Variants in PHF6 observed in about 807,000 individuals in gnomAD.
PHF6 encodes PHD finger protein 6, also known as PHD-like zinc finger protein.
PHF6 carries 7 observed loss-of-function variants against 34.0 expected under a neutral mutation model. The observed-to-expected ratio is 0.21, with a 90% CI of 0.12 to 0.39. The LOEUF (loss-of-function observed/expected upper bound fraction) is 0.39. Among genes scored for constraint, PHF6 ranks in the 10% least tolerant of loss-of-function variants. The pLI, the probability that PHF6 is intolerant of heterozygous loss-of-function variation, is 1.00. For synonymous variants in PHF6, 89 were observed against 88.4 expected (o/e 1.01, Z -0.04); for missense variants, 128 against 262.8 (o/e 0.49, Z 3.55).
intron 3 of PHF6, among the ~76,000 whole-genome samples, chrX:134,386,560 G>A (rs2077332398): frequency 9.0e-6 from 1 of 110,624 alleles, no homozygotes; most frequent in African/African-American, 3.3e-5. Context: ...ACAGGCACAC[G>A]CCACCACGCC....
intron 5 of PHF6, among the ~76,000 whole-genome samples, chrX:134,406,503 A>G (rs1422452316): frequency 9.0e-6 from 1 of 111,674 alleles, no homozygotes; most frequent in Non-Finnish European, 1.9e-5. Context: ...TGAGGAAAAC[A>G]TTGGTTACTA....
chrX:134,379,432 C>CTTT (rs34099570), intron 3 of PHF6, among the ~76,000 whole-genome samples: 11 of 26,272 alleles, frequency 4.2e-4, no homozygotes, highest in Non-Finnish European at 5.2e-4. Flanking sequence ...CTTTTCTTTT[C>CTTT]TTTTTTTTTT....
At chrX:134,425,403 G>C (rs868533513) in intron 10 of PHF6, 73 bp downstream of exon 10, 4 of 1,122,833 alleles carry the variant, frequency 3.6e-6, no homozygotes. Context: ...TGAAGTAATG[G>C]TATGCAGTAA....
At chrX:134,376,083 G>A (rs1043421040) in intron 1 of PHF6, among the ~76,000 whole-genome samples, 1 of 111,978 alleles carries the variant, frequency 8.9e-6, no homozygotes, top group Non-Finnish European at 1.9e-5. Flanking sequence ...CTTTGAAGTT[G>A]TGTTAAAAAG....
chrX:134,377,552 G>T lies in PHF6; in HGVS notation c.-46-20G>T. 3 of 1,060,781 alleles carry T rather than the reference G, an allele frequency of 2.8e-6. No homozygotes were observed. Among genetic ancestry groups the T allele is most frequent in the Non-Finnish European group, 3.8e-6 (3 of 784,426 alleles). 87.4% of individuals were successfully genotyped at this position (1,060,781 alleles called of 1,213,427 possible). On this transcript the variant is annotated intron_variant, in intron 1 of 10. Transcript: ENST00000370803. ...ATTTTAAAATAAAATTAACATTGTC[G>T]CCCTTCTTATTCTCTGTAGCATTTC...
chrX:134,402,223 T>C (rs901801463), intron 5 of PHF6, among the ~76,000 whole-genome samples: 4 of 112,370 alleles, frequency 3.6e-5, no homozygotes, highest in Non-Finnish European at 7.5e-5. Context: ...CTCCATCTCC[T>C]GACCTCGTGA....
chrX:134,395,771 A>T (rs2077374682), intron 5 of PHF6, among the ~76,000 whole-genome samples: 1 of 112,013 alleles, frequency 8.9e-6, no homozygotes, highest in African/African-American at 3.2e-5. Context: ...TCTGGACTCG[A>T]GATTAGTCCA....
At chrX:134,394,836 G>A (rs1293973965) in intron 5 of PHF6, among the ~76,000 whole-genome samples, 1 of 109,218 alleles carries the variant, frequency 9.2e-6, no homozygotes, top group Non-Finnish European at 1.9e-5. Context: ...ACTGCGCCCG[G>A]CCTCGTTTCT....
intron 5 of PHF6, among the ~76,000 whole-genome samples, chrX:134,405,292 TC>T (rs757559703): frequency 9.0e-6 from 1 of 110,995 alleles, no homozygotes; most frequent in Non-Finnish European, 1.9e-5. Flanking sequence ...AGCCTCCACC[TC>T]CCGGGTTCAA....
chrX:134,384,653 C>CTTTCTTTTTCTTTTT (rs1449083728), intron 3 of PHF6, among the ~76,000 whole-genome samples: 85 of 80,887 alleles, frequency 1.1e-3, no homozygotes, highest in African/African-American at 3.3e-3. Context: ...TTCTTTCTTT[C>CTTTCTTTTTCTTTTT]TTTTTCTTTT....
chrX:134,420,000 G>A (rs1262957130), intron 9 of PHF6: 1 of 111,328 alleles, frequency 9.0e-6, no homozygotes, highest in East Asian at 2.8e-4. Context: ...GCAACATAGT[G>A]AGACCCCATC....
chrX:134,384,172 T>TA (rs2077320107), intron 3 of PHF6, among the ~76,000 whole-genome samples: 1 of 111,605 alleles, frequency 9.0e-6, no homozygotes, highest in Non-Finnish European at 1.9e-5. Context: ...GGAGGAGTCT[T>TA]ACCTATTGAG....
At chrX:134,414,347 C>T (rs906424458) in intron 7 of PHF6, among the ~76,000 whole-genome samples, 2 of 111,535 alleles carry the variant, frequency 1.8e-5, no homozygotes, top group Non-Finnish European at 3.8e-5. Context: ...ACTTAACACT[C>T]TATATTACAA....
At chrX:134,383,172 C>T (rs753585298) in intron 3 of PHF6, among the ~76,000 whole-genome samples, 8 of 110,006 alleles carry the variant, frequency 7.3e-5, no homozygotes, top group Non-Finnish European at 1.5e-4. Context: ...CTCAGGAGTT[C>T]GAGGCTGTGG....
Position 134,374,678 on chromosome X carries a change from C to T in PHF6, c.-47+1211C>T, listed in dbSNP as rs772559368. On this transcript the variant is annotated intron_variant, in intron 1 of 10. Transcript: ENST00000370803. ...TCTGGAGTTGGTTCTTGAATGCTCTCTCTGATGTTTCAGGTTATTTCTACC... is the reference window on the plus strand; with the variant it reads ...TCTGGAGTTGGTTCTTGAATGCTCTTTCTGATGTTTCAGGTTATTTCTACC... Among the ~76,000 whole-genome samples, 170 of 112,635 alleles carry T rather than the reference C, an allele frequency of 1.5e-3. 1 individual carries two copies. The highest frequency in any genetic ancestry group is 1.7e-3 in the Non-Finnish European group (91 of 53,314).
At chrX:134,415,167 GC>G in intron 8 of PHF6, 47 bp downstream of exon 8, 1 of 1,207,787 alleles carries the variant, frequency 8.3e-7, no homozygotes, top group Non-Finnish European at 1.1e-6. Context: ...TTGATTTGCT[GC>G]TTTAAATTTA....
chrX:134,409,299 T>C (rs2077439332), intron 5 of PHF6, among the ~76,000 whole-genome samples: 1 of 111,389 alleles, frequency 9.0e-6, no homozygotes, highest in South Asian at 3.8e-4. Flanking sequence ...AATGCCACCA[T>C]TATCATATTT....
At chrX:134,407,201 G>A (rs913992163) in intron 5 of PHF6, among the ~76,000 whole-genome samples, 2 of 112,181 alleles carry the variant, frequency 1.8e-5, no homozygotes, top group East Asian at 2.8e-4. Context: ...GAAGATGACC[G>A]TTACAACTTT....
At chrX:134,403,814 TTATACTC>T (rs1444454286) in intron 5 of PHF6, among the ~76,000 whole-genome samples, 1 of 112,023 alleles carries the variant, frequency 8.9e-6, no homozygotes, top group East Asian at 2.8e-4. Context: ...TCTACTCTGT[TTATACTC>T]TATAAATGAA....
Sources: gnomAD v4.1 joint callset for allele counts (sites outside exome capture counted in the v4.1 genomes callset) on GRCh38, gnomAD v4.1.1 for gene constraint, MANE v1.5 for transcripts, NCBI Gene and HGNC (gene_info 2026-07-23, HGNC 2026-07-21) for gene names.